The following ZC3H14 variants were observed in gnomAD, a reference collection of about 807,000 sequenced individuals.
ZC3H14 encodes zinc finger CCCH domain-containing protein 14.
ZC3H14 carries 31 observed loss-of-function variants against 92.4 expected under a neutral mutation model. The ratio of observed to expected loss-of-function variants is 0.34; its 90% CI spans 0.25 to 0.45. The LOEUF (loss-of-function observed/expected upper bound fraction) is 0.45. Ranked by LOEUF, ZC3H14 falls within the 20% of genes least tolerant of loss-of-function variation. The pLI is 1.00. For missense variants in ZC3H14, 781 were observed against 897.3 expected (o/e 0.87, Z 1.66); for synonymous variants, 321 against 300.9 (o/e 1.07, Z -0.69).
At chr14:88,593,001 C>T (rs569750413) in intron 9 of ZC3H14, among the ~76,000 whole-genome samples, 1 of 150,752 alleles carries the variant, frequency 6.6e-6, no homozygotes, top group Admixed American at 6.6e-5. Context: ...TGGAGTCTCC[C>T]TCTGTCGCCT....
At chr14:88,598,786 T>A (rs1478387906) in intron 10 of ZC3H14, among the ~76,000 whole-genome samples, 1 of 145,408 alleles carries the variant, frequency 6.9e-6, no homozygotes, top group Non-Finnish European at 1.5e-5. Context: ...GTGGCAAGCA[T>A]CAAAACCAAG....
chr14:88,574,537 C>T (rs1158569866), intron 6 of ZC3H14, 156 bp from the exon 7 acceptor site: 9 of 920,324 alleles, frequency 9.8e-6, no homozygotes, highest in African/African-American at 1.7e-5. Flanking sequence ...GCCACCACAC[C>T]CAGCCTCATA....
In ZC3H14 at chr14:88,576,546, T is replaced by C. The variant is rs1246990676; in HGVS notation, c.1123+606T>C. Among the ~76,000 whole-genome samples the C allele has an allele frequency of 2.0e-5, 3 of 152,258 alleles. No individual in the cohort carries two copies. In the East Asian group the frequency reaches 5.8e-4, roughly 29 times the overall value. ...AGCTGGTCTTACGGAAAGCTGATTC[T>C]GAAATGCAAACAACTGATGGGTGTC... On this transcript the variant is annotated intron_variant, in intron 8 of 16. Coordinates refer to ENST00000251038, the MANE Select transcript of ZC3H14 (RefSeq NM_024824.5).
chr14:88,563,582 G>T (rs2079165627), intron 1 of ZC3H14, 69 bp from the exon 2 acceptor site: 5 of 1,597,348 alleles, frequency 3.1e-6, no homozygotes, highest in Non-Finnish European at 4.3e-6. Context: ...GGCCTCAGCC[G>T]CTGCAGAGTC....
intron 12 of ZC3H14, among the ~76,000 whole-genome samples, chr14:88,605,523 G>A (rs1566974173): frequency 6.6e-6 from 1 of 152,044 alleles, no homozygotes; most frequent in South Asian, 2.1e-4. Flanking sequence ...TTGTAGAGAT[G>A]GGGTTTCACC....
At position 88,603,032 on chromosome 14, in the gene ZC3H14, T is replaced by G; in HGVS notation, c.1719T>G (p.Leu573=). The change falls in exon 12 of 17, where the codon CTT becomes CTG. Residue 573 remains leucine (L), a synonymous_variant. Transcript: ENST00000251038. ...PQQLHLLSRQ[L]EDPNGSFSNA... is the part of the protein sequence containing the mutation. ...AGTTGCACTTGCTGAGCAGGCAGCT[T>G]GAGGACCCAAATGGTAGCTTTTCTA... 1.2e-6 allele frequency: 2 copies of G among 1,614,166 alleles called. No homozygotes were observed. The highest frequency in any genetic ancestry group is 2.2e-5 in the South Asian group (2 of 91,076).
In ZC3H14 at chr14:88,607,194, T is replaced by G. The variant is rs768808443; in HGVS notation, c.1748-49T>G. 10 of 1,613,438 alleles carry G rather than the reference T, an allele frequency of 6.2e-6. No individual in the cohort carries two copies. In the East Asian group the frequency reaches 2.0e-4, roughly 32 times the overall value. Reference sequence around the variant, plus strand: ...GAAATATGTTAAAGGTGCTGTGTACTGAATTGATCATAATGAATGAAATAC... The same window carrying G: ...GAAATATGTTAAAGGTGCTGTGTACGGAATTGATCATAATGAATGAAATAC... On this transcript the variant is annotated intron_variant, in intron 12 of 16. Transcript: ENST00000251038.
At position 88,609,408 on chromosome 14, in the gene ZC3H14, G is replaced by C; in HGVS notation, c.2005+5G>C. The C allele has an allele frequency of 6.2e-7, 1 of 1,614,034 alleles. No individual in the cohort carries two copies. The highest frequency in any genetic ancestry group is 8.5e-7 in the Non-Finnish European group (1 of 1,179,976). On this transcript the variant is annotated splice_donor_5th_base_variant and intron_variant, in intron 14 of 16. Transcript: ENST00000251038. ...CAGTACTGTCTCCAAAACCAGGTGA[G>C]TGAGTGACTGTGCTACTACATTTGG...
rs1486151429 is a variant in ZC3H14 at position 88,620,295 on chromosome 14, C to T, written c.*8544C>T. 6.6e-6 allele frequency: 1 copy of T among 152,654 alleles called. No individual in the cohort carries two copies. The highest frequency in any genetic ancestry group is 6.5e-5 in the Admixed American group (1 of 15,280). The allele number at this position is 152,654 out of a possible 1,614,324, so 9.5% of individuals were successfully genotyped here. ...CACTGAAAAACAAAGGTTTAAGAAA[C>T]ATTTAAATTAATTTGGATTCTGGAA... On this transcript the variant is annotated 3_prime_UTR_variant, in exon 17 of 17. Coordinates refer to ENST00000251038, the MANE Select transcript of ZC3H14 (RefSeq NM_024824.5). This position sits in a 1 kb window ranked among gnomAD's most constrained non-coding sequence, Gnocchi z 4.3.
intron 9 of ZC3H14, chr14:88,595,028 TTGAA>T: frequency 6.8e-6 from 11 of 1,613,664 alleles, no homozygotes; most frequent in Non-Finnish European, 9.3e-6. Context: ...AACAGACAGT[TTGAA>T]GATCAAGAAG....
At position 88,627,312 on chromosome 14, in the gene ZC3H14, A is replaced by G; in HGVS notation, c.*15561A>G. The G allele has an allele frequency of 2.0e-6, 1 of 495,240 alleles. No homozygotes were observed. Among genetic ancestry groups the G allele is most frequent in the Non-Finnish European group, 3.6e-6 (1 of 280,358 alleles). 30.7% of individuals were successfully genotyped at this position (495,240 alleles called of 1,614,324 possible). On this transcript the variant is annotated 3_prime_UTR_variant, in exon 17 of 17. Transcript: ENST00000251038. ...GGTAATATTATCCTGCTGATCTGCCATTATCATTAGAAATATACATAATTT... is the reference window on the plus strand; with the variant it reads ...GGTAATATTATCCTGCTGATCTGCCGTTATCATTAGAAATATACATAATTT...
At chr14:88,581,383 ACCCCATCT>A (rs1289378579) in intron 9 of ZC3H14, among the ~76,000 whole-genome samples, 1 of 151,984 alleles carries the variant, frequency 6.6e-6, no homozygotes, top group African/African-American at 2.4e-5. Context: ...GTGTGGTGAA[ACCCCATCT>A]CTACTAAAAA....
rs1790843491 is a variant in ZC3H14, at chr14:88,620,989, A to G, written c.*9238A>G. ...ACATTAAGTGAAGTACTTCTAAATTATACCAGTTTCCCCTCAAAATGCTCA... is the reference window on the plus strand; with the variant it reads ...ACATTAAGTGAAGTACTTCTAAATTGTACCAGTTTCCCCTCAAAATGCTCA... On this transcript the variant is annotated 3_prime_UTR_variant, in exon 17 of 17. Transcript: ENST00000251038. The surrounding 1 kb of genome is among the most constrained non-coding windows in gnomAD (Gnocchi z 4.3). 6.8e-7 allele frequency: 1 copy of G among 1,471,812 alleles called. No homozygotes were observed. The highest frequency in any genetic ancestry group is 2.8e-5 in the Admixed American group (1 of 36,200). 91.2% of individuals were successfully genotyped at this position (1,471,812 alleles called of 1,614,324 possible).
At position 88,618,469 on chromosome 14, in the gene ZC3H14, AACTT is replaced by A. The variant is rs531799749; in HGVS notation, c.*6720_*6723del. 1.2e-4 allele frequency: 136 copies of A among 1,088,930 alleles called. No individual in the cohort carries two copies. In the East Asian group the frequency reaches 3.2e-3, roughly 26 times the overall value. The allele number at this position is 1,088,930 out of a possible 1,614,324, so 67.5% of individuals were successfully genotyped here. On this transcript the variant is annotated 3_prime_UTR_variant, in exon 17 of 17. Transcript: ENST00000251038. ...TAAGTATGCAAAAGATCACTACAAA[AACTT>A]AATAGGAGAAAAGCTCTGATAAGTG...
rs534291109 is a variant in ZC3H14, at chr14:88,585,307, G to A, written c.1279+7167G>A. Among the ~76,000 whole-genome samples the A allele has an allele frequency of 1.1e-3, 166 of 150,078 alleles. 3 individuals are homozygous for A. In the South Asian group the frequency reaches 0.034, roughly 31 times the overall value. On this transcript the variant is annotated intron_variant, in intron 9 of 16. Transcript: ENST00000251038. ...TGTTTTTTAAGGTTCATTAATTACT[G>A]TTATTGTTGACAACCCTAACCCTGG...
intron 10 of ZC3H14, among the ~76,000 whole-genome samples, chr14:88,601,467 T>C (rs1041491667): frequency 1.3e-5 from 2 of 152,246 alleles, no homozygotes; most frequent in Non-Finnish European, 2.9e-5. Context: ...CTGGAAATTA[T>C]ACCACTTGAA....
At chr14:88,594,892 A>G (rs747221203) in intron 9 of ZC3H14, 1 of 1,614,064 alleles carries the variant, frequency 6.2e-7, no homozygotes, top group South Asian at 1.1e-5. Context: ...AATTAAAGGA[A>G]TGAAAGCAGC....
At chr14:88,594,641 ATAACT>A (rs1352941947) in intron 9 of ZC3H14, 49 of 1,606,584 alleles carry the variant, frequency 3.0e-5, no homozygotes, top group Non-Finnish European at 3.3e-5. Context: ...TTTCGATGAA[ATAACT>A]TAATGAGCTG....
At position 88,611,989 on chromosome 14, in the gene ZC3H14, G is replaced by T; in HGVS notation, c.*238G>T. ...CTATGAAAAGACAGCTTAAGGAAGA[G>T]CTAAATTCTGTTAAAATATTTGGGG... On this transcript the variant is annotated 3_prime_UTR_variant, in exon 17 of 17. Transcript: ENST00000251038. 1 of 563,906 alleles carries T rather than the reference G, an allele frequency of 1.8e-6. No individual in the cohort carries two copies. Among genetic ancestry groups the T allele is most frequent in the Non-Finnish European group, 3.1e-6 (1 of 319,442 alleles). The allele number at this position is 563,906 out of a possible 1,614,324, so 34.9% of individuals were successfully genotyped here. A position where few individuals can be genotyped will look rare whatever the true frequency, so the allele number is the denominator to read the frequency against.
Sources: gnomAD v4.1 joint callset for allele counts (sites outside exome capture counted in the v4.1 genomes callset) on GRCh38, gnomAD v4.1.1 for gene constraint, Gnocchi (gnomAD v3.1) non-coding constraint, MANE v1.5 for transcripts, NCBI Gene and HGNC (gene_info 2026-07-23, HGNC 2026-07-21) for gene names.